Variants in NPAS3 observed in about 807,000 individuals in gnomAD.
The protein encoded by NPAS3 is neuronal PAS domain-containing protein 3.
NPAS3 carries 14 observed loss-of-function variants against 73.1 expected under a neutral mutation model. That is an observed-to-expected ratio of 0.19 (90% CI 0.13 to 0.30). The LOEUF (loss-of-function observed/expected upper bound fraction) is 0.30. Among genes scored for constraint, NPAS3 ranks in the 10% least tolerant of loss-of-function variants. The pLI is 1.00. For synonymous variants in NPAS3, 620 were observed against 541.5 expected (o/e 1.14, Z -2.01); for missense variants, 1,096 against 1,250.0 (o/e 0.88, Z 1.86).
At chr14:33,259,996 T>C (rs2048914380) in intron 3 of NPAS3, among the ~76,000 whole-genome samples, 1 of 152,102 alleles carries the variant, frequency 6.6e-6, no homozygotes, top group Non-Finnish European at 1.5e-5. Context: ...CATTGGGGGC[T>C]GGATCAAATG....
chr14:33,324,666 A>G (rs2043610979), intron 3 of NPAS3, among the ~76,000 whole-genome samples: 1 of 152,144 alleles, frequency 6.6e-6, no homozygotes, highest in Admixed American at 6.5e-5. Context: ...TTTACTTTTG[A>G]TAGTTAATTA....
chr14:33,789,583 C>CTTTTTT lies in NPAS3; in HGVS notation c.1154-4296_1154-4291dup, dbSNP rs10567527. The stretch of plus-strand genomic sequence containing the variant: ...ACTAAAAGTAATTACTAGAGTACAA[C>CTTTTTT]TTTTTTTTTTTTTTTTTTTTTTTGA... On this transcript the variant is annotated intron_variant, in intron 9 of 11. Transcript: ENST00000356141. 3.7e-3 allele frequency among the ~76,000 whole-genome samples: 340 copies of CTTTTTT among 92,384 alleles called. 31 individuals carry two copies. The highest frequency in any genetic ancestry group is 9.5e-3 in the African/African-American group (219 of 23,060). 60.6% of individuals were successfully genotyped at this position (92,384 alleles called of 152,430 possible).
intron 4 of NPAS3, among the ~76,000 whole-genome samples, chr14:33,522,228 A>G (rs2053588596): frequency 6.6e-6 from 1 of 152,214 alleles, no homozygotes; most frequent in African/African-American, 2.4e-5. Flanking sequence ...GTGACACGTG[A>G]TATCATTTCA....
In NPAS3 at chr14:33,301,323, T is replaced by TATATATATATATATATATATATATATA. The variant is rs1555370644; in HGVS notation, c.386-65863_386-65862insATATATATATATATATATATATATATA. Among the ~76,000 whole-genome samples the TATATATATATATATATATATATATATA allele has an allele frequency of 2.0e-4, 16 of 81,576 alleles. 1 individual carries two copies. Among genetic ancestry groups the TATATATATATATATATATATATATATA allele is most frequent in the South Asian group, 4.3e-4 (1 of 2,324 alleles). The allele number at this position is 81,576 out of a possible 152,430, so 53.5% of individuals were successfully genotyped here. A position where few individuals can be genotyped will look rare whatever the true frequency, so the allele number is the denominator to read the frequency against. ...TTTTATCATTATATATATATATATA[T>TATATATATATATATATATATATATATA]TTTTTTTTTTTAAATCTAGCTGTAA... On this transcript the variant is annotated intron_variant, in intron 3 of 11. Coordinates refer to ENST00000356141, the Ensembl canonical transcript of NPAS3.
At chr14:32,989,729 C>T (rs2038252913) in intron 1 of NPAS3, among the ~76,000 whole-genome samples, 2 of 152,184 alleles carry the variant, frequency 1.3e-5, no homozygotes, top group African/African-American at 2.4e-5. Context: ...TTATTTTCTA[C>T]TTCCTATCAC....
At chr14:33,023,503 G>A (rs1459951693) in intron 1 of NPAS3, among the ~76,000 whole-genome samples, 2 of 152,086 alleles carry the variant, frequency 1.3e-5, no homozygotes, top group Non-Finnish European at 2.9e-5. Flanking sequence ...AAATAGATCT[G>A]TAGGCTGTTA....
chr14:33,454,424 A>T (rs905580238), intron 4 of NPAS3, among the ~76,000 whole-genome samples: 1 of 152,114 alleles, frequency 6.6e-6, no homozygotes, highest in Non-Finnish European at 1.5e-5. Flanking sequence ...TAATAAACAG[A>T]CTCCACCTTT....
chr14:33,575,781 A>G (rs1274184597), intron 5 of NPAS3, among the ~76,000 whole-genome samples: 1 of 152,252 alleles, frequency 6.6e-6, no homozygotes, highest in African/African-American at 2.4e-5. Flanking sequence ...GTAACTAGAC[A>G]TATCTACTCT....
At chr14:33,658,775 G>T (rs1185472815) in intron 5 of NPAS3, among the ~76,000 whole-genome samples, 2 of 152,120 alleles carry the variant, frequency 1.3e-5, no homozygotes, top group Non-Finnish European at 2.9e-5. Context: ...CTGTCTTTTG[G>T]TTCAGCATGA....
rs561257734 is a variant in NPAS3 at position 33,281,526 on chromosome 14, G to A, written c.385+66100G>A. On this transcript the variant is annotated intron_variant, in intron 3 of 11. Coordinates refer to ENST00000356141, the Ensembl canonical transcript of NPAS3. ...GCATGTCTGTAGTCCCAGCTACTTG[G>A]GAGGCTGAGGCAGGAGAATCACTTG... Among the ~76,000 whole-genome samples, 17 of 152,236 alleles carry A rather than the reference G, an allele frequency of 1.1e-4. No homozygotes were observed. The East Asian group carries it at 2.7e-3, about 24-fold the overall frequency.
intron 5 of NPAS3, among the ~76,000 whole-genome samples, chr14:33,609,441 G>A (rs1158390359): frequency 1.3e-5 from 2 of 152,034 alleles, no homozygotes; most frequent in Non-Finnish European, 2.9e-5. Context: ...TGTGGCTCAT[G>A]GGTTATTCCC....
At chr14:33,343,306 A>G (rs1421077656) in intron 3 of NPAS3, among the ~76,000 whole-genome samples, 1 of 151,978 alleles carries the variant, frequency 6.6e-6, no homozygotes, top group Admixed American at 6.6e-5. Flanking sequence ...TTTTTTTCTC[A>G]TCGTCCCCAA....
chr14:33,379,024 A>G (rs1193988712), intron 4 of NPAS3, among the ~76,000 whole-genome samples: 1 of 152,186 alleles, frequency 6.6e-6, no homozygotes, highest in Non-Finnish European at 1.5e-5. Flanking sequence ...ACCTCATGTA[A>G]TGGGACACAG....
rs1424366777 is a variant in NPAS3, at chr14:33,800,626, G to A, written c.2319G>A (p.Ala773=). 9 of 1,371,218 alleles carry A rather than the reference G, an allele frequency of 6.6e-6. No homozygotes were observed. The highest frequency in any genetic ancestry group is 1.6e-5 in the African/African-American group (1 of 64,330). The allele number at this position is 1,371,218 out of a possible 1,614,324, so 84.9% of individuals were successfully genotyped here. A position where few individuals can be genotyped will look rare whatever the true frequency, so the allele number is the denominator to read the frequency against. The change falls in exon 12 of 12, where the codon GCG becomes GCA. Residue 773 remains alanine (A), a synonymous_variant. Coordinates refer to ENST00000356141, the Ensembl canonical transcript of NPAS3. The surrounding 1 kb of genome is among the most constrained non-coding windows in gnomAD (Gnocchi z 6.5). ...GGGGCGGGGGCGGGGGCGGCGGCGC[G>A]GGGGGCGGCGGCCCCAGCGCGTCCA...
At chr14:33,000,070 C>A (rs1220258707) in intron 1 of NPAS3, among the ~76,000 whole-genome samples, 1 of 152,122 alleles carries the variant, frequency 6.6e-6, no homozygotes, top group Non-Finnish European at 1.5e-5. Flanking sequence ...AATGGTAGCA[C>A]CATGCCATAT....
chr14:33,684,143 C>G (rs1292553637), intron 6 of NPAS3, among the ~76,000 whole-genome samples: 2 of 151,630 alleles, frequency 1.3e-5, no homozygotes, highest in African/African-American at 4.8e-5. Flanking sequence ...AGGAATTGAA[C>G]CAGAGGAATT....
intron 2 of NPAS3, among the ~76,000 whole-genome samples, chr14:33,145,810 C>T (rs948874868): frequency 3.3e-5 from 5 of 152,232 alleles, no homozygotes; most frequent in Middle Eastern, 6.8e-3. Flanking sequence ...CACAGACTAT[C>T]GGACCAAGAA....
intron 5 of NPAS3, among the ~76,000 whole-genome samples, chr14:33,621,042 A>G (rs1360120671): frequency 6.6e-6 from 1 of 152,150 alleles, no homozygotes; most frequent in Non-Finnish European, 1.5e-5. Context: ...CGAGAAGTAT[A>G]CTAATGACCA....
chr14:33,088,910 G>A (rs904747846), intron 2 of NPAS3, among the ~76,000 whole-genome samples: 2 of 152,216 alleles, frequency 1.3e-5, no homozygotes, highest in African/African-American at 4.8e-5. Context: ...TACCCAGGCA[G>A]ACAGGGTCTG....
Sources: allele counts gnomAD v4.1 joint callset (sites outside exome capture counted in the v4.1 genomes callset), GRCh38; gene constraint gnomAD v4.1.1; non-coding constraint Gnocchi (gnomAD v3.1); transcripts MANE v1.5; gene names NCBI Gene and HGNC (gene_info 2026-07-23, HGNC 2026-07-21).